Variants in SLC39A6 observed in about 807,000 individuals in gnomAD.
SLC39A6 encodes solute carrier family 39 member 6, also known as zinc transporter ZIP6.
Under a neutral mutation model 63.5 loss-of-function variants are expected in SLC39A6, and 51 were observed. The observed-to-expected ratio is 0.80, with a 90% CI of 0.64 to 1.01. The LOEUF (loss-of-function observed/expected upper bound fraction) is 1.01, where lower values mean the gene tolerates loss of function less well. Ranked by LOEUF, SLC39A6 falls within the 50% of genes least tolerant of loss-of-function variation. SLC39A6 has a pLI of 0.00. For synonymous variants in SLC39A6, 318 were observed against 324.7 expected (o/e 0.98, Z 0.22); for missense variants, 805 against 927.8 (o/e 0.87, Z 1.72).
At chr18:36,111,360 G>A in intron 8 of SLC39A6, 111 bp from the exon 9 acceptor site, 1 of 996,264 alleles carries the variant, frequency 1.0e-6, no homozygotes, top group Non-Finnish European at 1.5e-6. Flanking sequence ...TTGAGAGGGG[G>A]AAAAGAAAAC....
chr18:36,126,817 T>G lies in SLC39A6; in HGVS notation c.191A>C (p.Tyr64Ser). ...AACTGACAAAGAATTATTTTCTCCATAGCGGTAGAAAAGCTGTTGTAGATG... is the reference window on the plus strand; with the variant it reads ...AACTGACAAAGAATTATTTTCTCCAGAGCGGTAGAAAAGCTGTTGTAGATG... ...QYHLQQLFYR[Y>S]GENNSLSVEG... Residue 64 changes from tyrosine to serine, a missense_variant, in exon 2 of 10, where the codon TAT (tyrosine) becomes TCT (serine). Tyr to Ser is a moderately radical substitution (Grantham distance 144). Coordinates refer to ENST00000269187, the MANE Select transcript of SLC39A6 (RefSeq NM_012319.4). 3 of 1,614,226 alleles carry G rather than the reference T, an allele frequency of 1.9e-6. No homozygotes were observed. The highest frequency in any genetic ancestry group is 2.5e-6 in the Non-Finnish European group (3 of 1,180,026).
intron 7 of SLC39A6, among the ~76,000 whole-genome samples, chr18:36,113,392 C>G (rs1264548938): frequency 2.6e-5 from 4 of 152,130 alleles, no homozygotes; most frequent in East Asian, 1.9e-4. Context: ...AGCTACCGCA[C>G]CCAGCCGACT....
intron 5 of SLC39A6, among the ~76,000 whole-genome samples, chr18:36,118,328 G>C (rs917164567): frequency 1.8e-4 from 28 of 152,134 alleles, no homozygotes; most frequent in African/African-American, 6.8e-4. Context: ...CACAGGGAGA[G>C]GGTTTTACAC....
In SLC39A6 at chr18:36,126,258, G is replaced by C; in HGVS notation, c.750C>G (p.Gly250=). The C allele has an allele frequency of 6.2e-7, 1 of 1,614,194 alleles. No homozygotes were observed. Among genetic ancestry groups the C allele is most frequent in the African/African-American group, 1.3e-5 (1 of 75,052 alleles). ...TNESVSEPRK[G]FMYSRNTNEN... ...CATTTGTGTTTCTGGAATACATAAA[G>C]CCTTTTCGGGGCTCACTCACAGATT... The change falls in exon 2 of 10, where the codon GGC becomes GGG. Residue 250 remains glycine (G), a synonymous_variant. Transcript: ENST00000269187.
chr18:36,122,171 C>T lies in SLC39A6; in HGVS notation c.1240G>A (p.Glu414Lys), dbSNP rs774599067. The change falls in exon 5 of 10, where the codon GAA (glutamate) becomes AAA (lysine). Residue 414 changes from glutamate (E) to lysine (K), a missense_variant. Physicochemically the swap from Glu to Lys is moderately conservative, Grantham distance 56 (BLOSUM62 1). This residue lies in a region of SLC39A6 where 639 missense variants were observed against 644.0 expected (regional missense o/e 0.99). Transcript: ENST00000269187. ...FSHLSSQNIE[E>K]SAYFDSTWKG... ...CACGTGGAATCAAAATAGGCACTTT[C>T]TTCTATGTTTTGAGAAGACAGATGA... is the stretch of plus-strand genomic sequence containing the variant. 1 of 1,613,980 alleles carries T rather than the reference C, an allele frequency of 6.2e-7. No homozygotes were observed. The highest frequency in any genetic ancestry group is 8.5e-7 in the Non-Finnish European group (1 of 1,179,868).
Position 36,116,689 on chromosome 18 carries a change from C to T in SLC39A6, c.1450G>A (p.Val484Ile). Residue 484 changes from valine to isoleucine, a missense_variant, in exon 6 of 10, where the codon GTA (valine) becomes ATA (isoleucine). Val to Ile is a conservative substitution (Grantham distance 29). This residue lies in a region of SLC39A6 where 639 missense variants were observed against 644.0 expected (regional missense o/e 0.99). Transcript: ENST00000269187. The part of the protein sequence containing the change: ...ESQLSTNEEK[V>I]DTDDRTEGYL... ...AAGAACTTACGATCATCTGTATCTA[C>T]TTTCTCCTCATTTGTTGAAAGTTGA... 6.2e-7 allele frequency: 1 copy of T among 1,609,682 alleles called. No homozygotes were observed. Among genetic ancestry groups the T allele is most frequent in the Non-Finnish European group, 8.5e-7 (1 of 1,176,162 alleles).
chr18:36,109,506 C>T lies in SLC39A6; in HGVS notation c.*87G>A. ...TCACAAAACCCACTAACTTTAAACG[C>T]TGCATAGTACAGCATACAAACTCAT... On this transcript the variant is annotated 3_prime_UTR_variant, in exon 10 of 10. Transcript: ENST00000269187. 1 of 1,015,542 alleles carries T rather than the reference C, an allele frequency of 9.8e-7. No homozygotes were observed. Among genetic ancestry groups the T allele is most frequent in the Non-Finnish European group, 1.4e-6 (1 of 696,138 alleles). 62.9% of individuals were successfully genotyped at this position (1,015,542 alleles called of 1,614,324 possible). A position where few individuals can be genotyped will look rare whatever the true frequency, so the allele number is the denominator to read the frequency against.
intron 1 of SLC39A6, 134 bp from the exon 2 acceptor site, chr18:36,127,150 G>T: frequency 2.7e-6 from 2 of 749,984 alleles, no homozygotes; most frequent in African/African-American, 1.8e-5. Flanking sequence ...CCAGTGTGAC[G>T]CTAGGTACTG....
Position 36,126,515 on chromosome 18 carries a change from CT to C in SLC39A6, c.492del (p.Gly165GlufsTer23), listed in dbSNP as rs773775140. 8.1e-6 allele frequency: 13 copies of C among 1,614,236 alleles called. No homozygotes were observed. The highest frequency in any genetic ancestry group is 1.1e-5 in the Non-Finnish European group (13 of 1,180,034). On this transcript the variant is annotated frameshift_variant, in exon 2 of 10. Transcript: ENST00000269187. LOFTEE classifies it high-confidence loss of function. The stretch of plus-strand genomic sequence containing the variant: ...CTGGCATGTTCTGGTCGGTGAGCTC[CT>C]TTCCCCTGGCTGTTTCTAGGATCTT... The part of the protein sequence containing the change: ...SGKDPRNSQG[K>X]GAHRPEHASG...
rs1302988318 is a variant in SLC39A6, at chr18:36,126,988, A to G, written c.20T>C (p.Val7Ala). Reference protein sequence around the residue: MARKLSVILILTFALSV... With the variant: MARKLSAILILTFALSV... The stretch of plus-strand genomic sequence containing the variant: ...GAGGGCAAAGGTCAGGATCAAGATT[A>G]CAGATAACTTCCTCGCCATTGCGCC... Residue 7 changes from valine to alanine, a missense_variant, in exon 2 of 10, where the codon GTA (valine) becomes GCA (alanine). By Grantham distance (64) the Val-to-Ala change is moderately conservative. This residue lies in a region of SLC39A6 where 639 missense variants were observed against 644.0 expected (regional missense o/e 0.99). Transcript: ENST00000269187. 1.2e-6 allele frequency: 2 copies of G among 1,611,920 alleles called. No individual in the cohort carries two copies. Among genetic ancestry groups the G allele is most frequent in the Non-Finnish European group, 8.5e-7 (1 of 1,178,616 alleles).
At chr18:36,117,538 G>A (rs961831928) in intron 5 of SLC39A6, among the ~76,000 whole-genome samples, 4 of 149,748 alleles carry the variant, frequency 2.7e-5, no homozygotes, top group Non-Finnish European at 6.0e-5. Flanking sequence ...CCTTTATGTT[G>A]TGTAAAGGTC....
intron 5 of SLC39A6, among the ~76,000 whole-genome samples, chr18:36,119,986 T>C (rs1158211089): frequency 6.6e-6 from 1 of 152,040 alleles, no homozygotes; most frequent in Non-Finnish European, 1.5e-5. Flanking sequence ...AATTATGACA[T>C]TTTGACCCAG....
intron 5 of SLC39A6, among the ~76,000 whole-genome samples, chr18:36,118,710 T>C (rs564564284): frequency 5.8e-4 from 89 of 152,308 alleles, no homozygotes; most frequent in African/African-American, 2.1e-3. Flanking sequence ...ATGGAGCCAC[T>C]GGAGGAAGGA....
chr18:36,128,618 G>A (rs1165392132), intron 1 of SLC39A6, among the ~76,000 whole-genome samples: 1 of 152,116 alleles, frequency 6.6e-6, no homozygotes, highest in African/African-American at 2.4e-5. Context: ...GCGAGGAGCG[G>A]GGTGGGAGGG....
At chr18:36,120,033 C>G (rs572402194) in intron 5 of SLC39A6, among the ~76,000 whole-genome samples, 1 of 152,076 alleles carries the variant, frequency 6.6e-6, no homozygotes, top group East Asian at 1.9e-4. Context: ...AACCCAATCC[C>G]CAAGTCTCCC....
chr18:36,109,771 A>G (rs2089286702), intron 9 of SLC39A6, 26 bp from the exon 10 acceptor site: 2 of 1,584,654 alleles, frequency 1.3e-6, no homozygotes, highest in African/African-American at 1.4e-5. Context: ...AGGGAAAATA[A>G]GAGTGACATT....
chr18:36,125,379 C>A (rs1175959307), intron 2 of SLC39A6, among the ~76,000 whole-genome samples: 1 of 151,422 alleles, frequency 6.6e-6, no homozygotes, highest in Non-Finnish European at 1.5e-5. Flanking sequence ...CAAAAAAACC[C>A]CAAACTGGCT....
At chr18:36,109,840 T>C in intron 9 of SLC39A6, 95 bp from the exon 10 acceptor site, 2 of 926,396 alleles carry the variant, frequency 2.2e-6, no homozygotes, top group Non-Finnish European at 3.4e-6. Flanking sequence ...TATACTAGCT[T>C]TATTTGTAGC....
In SLC39A6 at chr18:36,109,832, T is replaced by TA. The variant is rs763886451; in HGVS notation, c.2116-88dup. On this transcript the variant is annotated intron_variant, in intron 9 of 9. Transcript: ENST00000269187. ...TTTTAGAAAAATTTATAGGACAGTA[T>TA]ACTAGCTTTATTTGTAGCTAGATAT... is the stretch of plus-strand genomic sequence containing the variant. The TA allele has an allele frequency of 3.0e-5, 30 of 1,015,352 alleles. 1 individual carries two copies. The highest frequency in any genetic ancestry group is 4.5e-5 in the Non-Finnish European group (30 of 673,286). The allele number at this position is 1,015,352 out of a possible 1,614,324, so 62.9% of individuals were successfully genotyped here. A position where few individuals can be genotyped will look rare whatever the true frequency, so the allele number is the denominator to read the frequency against.
Sources: gnomAD v4.1 joint callset for allele counts (sites outside exome capture counted in the v4.1 genomes callset) on GRCh38, gnomAD v4.1.1 for gene constraint, gnomAD v4.1.1 regional missense constraint, MANE v1.5 for transcripts, NCBI Gene and HGNC (gene_info 2026-07-23, HGNC 2026-07-21) for gene names.